Variants in KIF15 observed in about 807,000 individuals in gnomAD.
KIF15 encodes kinesin family member 15, also known as kinesin-like protein KIF15.
Under a neutral mutation model 190.6 loss-of-function variants are expected in KIF15, and 140 were observed. The observed-to-expected ratio is 0.73, with a 90% CI of 0.64 to 0.84. KIF15 has a LOEUF of 0.84. Ranked by LOEUF, KIF15 falls within the 40% of genes least tolerant of loss-of-function variation. The probability of loss-of-function intolerance (pLI) is 0.00; values close to 1 mark genes in which losing one functional copy is unlikely to be tolerated. For missense variants in KIF15, 1,372 were observed against 1,584.4 expected, an observed-to-expected ratio of 0.87 and a Z score of 2.28; for synonymous variants, 528 against 551.3, an observed-to-expected ratio of 0.96 and a Z score of 0.59.
intron 1 of KIF15, among the ~76,000 whole-genome samples, chr3:44,770,862 T>G (rs942712502): frequency 5.9e-5 from 9 of 152,170 alleles, no homozygotes; most frequent in Non-Finnish European, 1.3e-4. Flanking sequence ...TTTCCTTCAC[T>G]CTGAAAAACA....
intron 26 of KIF15, among the ~76,000 whole-genome samples, chr3:44,832,648 A>G (rs1407875468): frequency 1.3e-5 from 2 of 152,202 alleles, no homozygotes; most frequent in Non-Finnish European, 2.9e-5. Flanking sequence ...CAAGATGGCT[A>G]TTCCCAGTAA....
rs372949327 is a variant in KIF15, at chr3:44,774,411, G to A, written c.36G>A (p.Val12=). ...APGCKTELRS[V]TNGQSNQPSN... Reference sequence around the variant, plus strand: ...TTTTTCTAGCTGAGTTACGCAGCGTGACAAATGGTCAGTCTAACCAACCAA... The same window carrying A: ...TTTTTCTAGCTGAGTTACGCAGCGTAACAAATGGTCAGTCTAACCAACCAA... The change falls in exon 2 of 35, where the codon GTG becomes GTA. Residue 12 remains valine (V), a synonymous_variant. Coordinates refer to ENST00000326047, the MANE Select transcript of KIF15 (RefSeq NM_020242.3). 48 of 1,613,128 alleles carry A rather than the reference G, an allele frequency of 3.0e-5. No homozygotes were observed. In the African/African-American group the frequency reaches 6.0e-4, roughly 20 times the overall value.
chr3:44,766,334 G>A (rs1216931200), intron 1 of KIF15, among the ~76,000 whole-genome samples: 15 of 152,182 alleles, frequency 9.9e-5, no homozygotes, highest in Non-Finnish European at 4.4e-5. Context: ...TGTGGGGAAG[G>A]TGGGGAGTGT....
At chr3:44,808,739 G>GC (rs747555494) in intron 16 of KIF15, among the ~76,000 whole-genome samples, 1 of 152,034 alleles carries the variant, frequency 6.6e-6, no homozygotes, top group African/African-American at 2.4e-5. Context: ...AGGAATATGA[G>GC]CCTCATACCA....
chr3:44,844,166 A>G (rs1051594412), intron 30 of KIF15, among the ~76,000 whole-genome samples: 1 of 152,068 alleles, frequency 6.6e-6, no homozygotes, highest in Non-Finnish European at 1.5e-5. Flanking sequence ...AAGCTTGTGC[A>G]CTCCTGCAGC....
chr3:44,831,795 C>A (rs569504709), intron 26 of KIF15, among the ~76,000 whole-genome samples: 1 of 152,128 alleles, frequency 6.6e-6, no homozygotes, highest in South Asian at 2.1e-4. Context: ...TCTTGTGTAA[C>A]TTTCAAGAGA....
At chr3:44,766,409 G>A (rs558583581) in intron 1 of KIF15, among the ~76,000 whole-genome samples, 6 of 152,184 alleles carry the variant, frequency 3.9e-5, no homozygotes, top group Non-Finnish European at 8.8e-5. Flanking sequence ...TTGGGGCAAG[G>A]GTGATCAGGG....
At chr3:44,804,005 A>G (rs1305065397) in intron 14 of KIF15, among the ~76,000 whole-genome samples, 19 of 151,840 alleles carry the variant, frequency 1.3e-4, no homozygotes, top group Non-Finnish European at 2.8e-4. Flanking sequence ...ACACCACCAC[A>G]CCGAGCCAAT....
Position 44,797,675 on chromosome 3 carries a change from G to T in KIF15, c.974G>T (p.Arg325Leu). The change falls in exon 9 of 35, where the codon CGG becomes CTG. Residue 325 changes from arginine (R) to leucine (L), a missense_variant and splice_region_variant. Arg to Leu is a moderately radical substitution (Grantham distance 102). Coordinates refer to ENST00000326047, the MANE Select transcript of KIF15 (RefSeq NM_020242.3). ...YRDSKLTFLL[R>L]DSLGGNAKTA... ...GACTCCAAACTTACCTTCTTACTAC[G>T]GGTAAAGTAGATCCTTGGGTTCCTG... The T allele has an allele frequency of 6.2e-7, 1 of 1,613,652 alleles. No individual in the cohort carries two copies. The highest frequency in any genetic ancestry group is 8.5e-7 in the Non-Finnish European group (1 of 1,179,828).
rs1699120890 is a variant in KIF15, at chr3:44,853,150, G to A, written c.*415G>A. 1 of 153,430 alleles carries A rather than the reference G, an allele frequency of 6.5e-6. No individual in the cohort carries two copies. The highest frequency in any genetic ancestry group is 2.4e-5 in the African/African-American group (1 of 41,482). 9.5% of individuals were successfully genotyped at this position (153,430 alleles called of 1,614,324 possible). On this transcript the variant is annotated 3_prime_UTR_variant, in exon 35 of 35. Transcript: ENST00000326047. ...AGTTTAATGACTGACTTAGTAGCAG[G>A]TACAAGAAGCAAACTTGTTAATATA...
rs767226429 is a variant in KIF15, at chr3:44,815,065, A to G, written c.2538A>G (p.Leu846=). ...SERHMHVQLQ[L]DNLRLENEKL... ...GACACATGCATGTACAGCTTCAATT[A>G]GATAATCTCAGGTAGAGTTGTTCTT... Residue 846 remains leucine (L), a synonymous_variant, in exon 20 of 35, where the codon TTA becomes TTG. Transcript: ENST00000326047. 1 of 1,591,346 alleles carries G rather than the reference A, an allele frequency of 6.3e-7. No homozygotes were observed. Among genetic ancestry groups the G allele is most frequent in the Admixed American group, 1.8e-5 (1 of 55,382 alleles).
intron 1 of KIF15, among the ~76,000 whole-genome samples, chr3:44,770,201 G>A (rs542235192): frequency 1.3e-5 from 2 of 152,274 alleles, no homozygotes; most frequent in Non-Finnish European, 2.9e-5. Context: ...CCAGTCCTCA[G>A]TTTTCTTAAA....
In KIF15 at chr3:44,843,152, C is replaced by T. The variant is rs766965765; in HGVS notation, c.3613C>T (p.Arg1205Cys). 24 of 1,612,888 alleles carry T rather than the reference C, an allele frequency of 1.5e-5. No individual in the cohort carries two copies. The highest frequency in any genetic ancestry group is 1.6e-4 in the Middle Eastern group (1 of 6,080). ...GCAGTTGCGTGAAATGGAAAACCTA[C>T]GCCTGGAAAGTCAGCAGTTAATAGA... ...KEQLREMENL[R>C]LESQQLIEKN... The change falls in exon 30 of 35, where the codon CGC becomes TGC. Residue 1205 changes from arginine to cysteine, a missense_variant. Arg to Cys is a radical substitution (Grantham distance 180). Transcript: ENST00000326047.
intron 1 of KIF15, among the ~76,000 whole-genome samples, chr3:44,762,147 G>A (rs141257522): frequency 4.6e-4 from 70 of 152,324 alleles, no homozygotes; most frequent in Non-Finnish European, 8.4e-4. Context: ...TGGACCTGAC[G>A]TTCTTCCCTT....
rs535811915 is a variant in KIF15, at chr3:44,779,492, A to G, written c.323+1301A>G. ...TACCAATTGTCAAGTAATTATTAGT[A>G]GTGTCCTCTTCACTCTCAAGTGCCT... On this transcript the variant is annotated intron_variant, in intron 4 of 34. Coordinates refer to ENST00000326047, the MANE Select transcript of KIF15 (RefSeq NM_020242.3). Among the ~76,000 whole-genome samples the G allele has an allele frequency of 6.2e-4, 94 of 152,214 alleles. 1 individual carries two copies. Among genetic ancestry groups the G allele is most frequent in the Admixed American group, 1.8e-3 (27 of 15,288 alleles).
At chr3:44,866,563 AT>A (rs1699324734) in intron 6 of KIF15, among the ~76,000 whole-genome samples, 1 of 152,006 alleles carries the variant, frequency 6.6e-6, no homozygotes, top group Non-Finnish European at 1.5e-5. Flanking sequence ...TTCTTCATAC[AT>A]TTCCTGCAGT....
chr3:44,850,034 T>C (rs1699007677), intron 32 of KIF15, among the ~76,000 whole-genome samples: 2 of 152,222 alleles, frequency 1.3e-5, no homozygotes, highest in South Asian at 4.1e-4. Context: ...TAGATATAAA[T>C]GCTGAGAAAT....
At chr3:44,839,412 T>C (rs1233209171) in intron 27 of KIF15, among the ~76,000 whole-genome samples, 14 of 152,272 alleles carry the variant, frequency 9.2e-5, no homozygotes, top group Non-Finnish European at 1.9e-4. Flanking sequence ...GATTGGGTTA[T>C]AGTAGCAACC....
intron 26 of KIF15, among the ~76,000 whole-genome samples, chr3:44,834,100 T>C (rs1040719417): frequency 6.6e-6 from 1 of 152,246 alleles, no homozygotes; most frequent in Non-Finnish European, 1.5e-5. Context: ...GATTTAAATA[T>C]CGTATTTTAG....
Sources: gnomAD v4.1 joint callset for allele counts (sites outside exome capture counted in the v4.1 genomes callset) on GRCh38, gnomAD v4.1.1 for gene constraint, MANE v1.5 for transcripts, NCBI Gene and HGNC (gene_info 2026-07-23, HGNC 2026-07-21) for gene names.